ITGBL1: variants seen among roughly 807,000 people sequenced by gnomAD.
The protein encoded by ITGBL1 is integrin subunit beta like 1.
Under a neutral mutation model 68.5 loss-of-function variants are expected in ITGBL1, and 51 were observed. The ratio of observed to expected loss-of-function variants is 0.74; its 90% CI spans 0.59 to 0.94. The LOEUF is 0.94. Among genes scored for constraint, ITGBL1 ranks in the 40% least tolerant of loss-of-function variants. The probability of loss-of-function intolerance (pLI) is 0.00; values close to 1 mark genes in which losing one functional copy is unlikely to be tolerated. For synonymous variants in ITGBL1, 209 were observed against 227.3 expected, an observed-to-expected ratio of 0.92 and a Z score of 0.72; for missense variants, 649 against 647.4, an observed-to-expected ratio of 1.00 and a Z score of -0.03.
At chr13:101,574,894 T>C (rs952368615) in intron 3 of ITGBL1, among the ~76,000 whole-genome samples, 1 of 152,124 alleles carries the variant, frequency 6.6e-6, no homozygotes, top group East Asian at 1.9e-4. Context: ...TGTGTATCAG[T>C]ATAAGTTAAT....
rs886985480 is a variant in ITGBL1 at position 101,522,321 on chromosome 13, A to G, written c.317-45378A>G. Among the ~76,000 whole-genome samples, 8 of 152,250 alleles carry G rather than the reference A, an allele frequency of 5.3e-5. No individual in the cohort carries two copies. In the South Asian group the frequency reaches 1.2e-3, roughly 24 times the overall value. ...CTAATAAAGACCTTACAGACTAGTT[A>G]CTTTGCATCCACAAAGCTACACTAC... On this transcript the variant is annotated intron_variant, in intron 2 of 10. Coordinates refer to ENST00000376180, the MANE Select transcript of ITGBL1 (RefSeq NM_004791.3).
At chr13:101,580,295 G>C (rs2050433616) in intron 5 of ITGBL1, among the ~76,000 whole-genome samples, 1 of 152,060 alleles carries the variant, frequency 6.6e-6, no homozygotes, top group African/African-American at 2.4e-5. Flanking sequence ...GTCAGAAATT[G>C]ACATAGAGGA....
At chr13:101,500,407 A>G (rs978656150) in intron 2 of ITGBL1, among the ~76,000 whole-genome samples, 2 of 152,346 alleles carry the variant, frequency 1.3e-5, no homozygotes, top group East Asian at 1.9e-4. Flanking sequence ...CTCTTTGTCA[A>G]TGAGGTTCAT....
chr13:101,579,644 A>G (rs1176462699), intron 5 of ITGBL1, among the ~76,000 whole-genome samples: 1 of 152,206 alleles, frequency 6.6e-6, no homozygotes, highest in Non-Finnish European at 1.5e-5. Context: ...TCATTCTTTA[A>G]GCTTCACTGA....
At chr13:101,566,201 A>G (rs1229237304) in intron 2 of ITGBL1, among the ~76,000 whole-genome samples, 2 of 152,292 alleles carry the variant, frequency 1.3e-5, no homozygotes, top group East Asian at 1.9e-4. Flanking sequence ...TGGCAATTCC[A>G]TATGGTTCAA....
intron 2 of ITGBL1, among the ~76,000 whole-genome samples, chr13:101,561,653 T>C (rs1028034946): frequency 6.6e-6 from 1 of 152,182 alleles, no homozygotes; most frequent in African/African-American, 2.4e-5. Flanking sequence ...GGGGACTTCT[T>C]GTCAGAAACC....
chr13:101,685,358 A>T (rs772699688), intron 7 of ITGBL1, among the ~76,000 whole-genome samples: 4 of 151,988 alleles, frequency 2.6e-5, no homozygotes, highest in Non-Finnish European at 4.4e-5. Flanking sequence ...GCACATAAAA[A>T]TTTTTTCATT....
At chr13:101,643,690 CA>C (rs1298873429) in intron 7 of ITGBL1, among the ~76,000 whole-genome samples, 1 of 152,138 alleles carries the variant, frequency 6.6e-6, no homozygotes, top group African/African-American at 2.4e-5. Flanking sequence ...ATTTCTAATA[CA>C]GGGTACAGGG....
intron 2 of ITGBL1, among the ~76,000 whole-genome samples, chr13:101,506,392 G>T (rs570987343): frequency 1.3e-5 from 2 of 152,284 alleles, no homozygotes; most frequent in African/African-American, 4.8e-5. Context: ...TAACTTTCTA[G>T]AGTAATGTGT....
chr13:101,587,852 C>G (rs569928032), intron 6 of ITGBL1, among the ~76,000 whole-genome samples: 1 of 152,252 alleles, frequency 6.6e-6, no homozygotes, highest in Non-Finnish European at 1.5e-5. Context: ...AAAAAAATAG[C>G]AAGTACTACC....
chr13:101,586,130 A>G (rs2050552930), intron 6 of ITGBL1, among the ~76,000 whole-genome samples: 1 of 152,120 alleles, frequency 6.6e-6, no homozygotes, highest in Non-Finnish European at 1.5e-5. Context: ...GAGCAGGTGA[A>G]GTGTCATTAA....
At chr13:101,579,943 T>C (rs1265213967) in intron 5 of ITGBL1, among the ~76,000 whole-genome samples, 1 of 152,174 alleles carries the variant, frequency 6.6e-6, no homozygotes, top group East Asian at 1.9e-4. Context: ...AAAGTATGTA[T>C]CCAATAGCCA....
intron 7 of ITGBL1, among the ~76,000 whole-genome samples, chr13:101,690,346 A>G (rs754327361): frequency 6.6e-6 from 1 of 152,224 alleles, no homozygotes; most frequent in Non-Finnish European, 1.5e-5. Context: ...AATGAGGCAC[A>G]TTCAGGAAAA....
At chr13:101,604,876 A>ATGTG (rs1566752901) in intron 7 of ITGBL1, among the ~76,000 whole-genome samples, 2 of 54,684 alleles carry the variant, frequency 3.7e-5, no homozygotes, top group Admixed American at 2.6e-4. Flanking sequence ...ATATATATAT[A>ATGTG]TATATATATA....
intron 2 of ITGBL1, chr13:101,489,958 T>G (rs1330926942): frequency 6.6e-7 from 1 of 1,509,278 alleles, no homozygotes; most frequent in Admixed American, 2.0e-5. Context: ...CTTTAAACTT[T>G]GTCTCATGAA....
At chr13:101,614,078 G>C (rs536066588) in intron 7 of ITGBL1, among the ~76,000 whole-genome samples, 14 of 152,098 alleles carry the variant, frequency 9.2e-5, no homozygotes, top group African/African-American at 3.4e-4. Flanking sequence ...TCGGGTAGGG[G>C]TGTAGAGAGA....
intron 8 of ITGBL1, among the ~76,000 whole-genome samples, chr13:101,698,823 C>T (rs759453798): frequency 1.1e-4 from 17 of 152,084 alleles, no homozygotes; most frequent in Non-Finnish European, 1.9e-4. Flanking sequence ...CAGAGACTTC[C>T]CTCCTGTGTG....
intron 6 of ITGBL1, among the ~76,000 whole-genome samples, chr13:101,587,764 A>G (rs1258044851): frequency 6.6e-6 from 1 of 152,224 alleles, no homozygotes; most frequent in Non-Finnish European, 1.5e-5. Flanking sequence ...TCAAAGCATT[A>G]AGAAAGAAAC....
chr13:101,623,108 G>C (rs2139391902), intron 7 of ITGBL1, among the ~76,000 whole-genome samples: 1 of 152,158 alleles, frequency 6.6e-6, no homozygotes, highest in African/African-American at 2.4e-5. Context: ...GCTTGTTAAT[G>C]TTAACTAGGA....
Sources: allele counts gnomAD v4.1 joint callset (sites outside exome capture counted in the v4.1 genomes callset), GRCh38; gene constraint gnomAD v4.1.1; transcripts MANE v1.5; gene names NCBI Gene and HGNC (gene_info 2026-07-23, HGNC 2026-07-21).